BNC2: variants seen among roughly 807,000 people sequenced by gnomAD.
The protein encoded by BNC2 is basonuclin zinc finger protein 2.
A neutral mutation model predicts 76.3 loss-of-function variants in BNC2; 20 were observed. The observed-to-expected ratio is 0.26, with a 90% CI of 0.18 to 0.38. The LOEUF (loss-of-function observed/expected upper bound fraction) is 0.38, where lower values mean the gene tolerates loss of function less well. Ranked by LOEUF, BNC2 falls within the 10% of genes least tolerant of loss-of-function variation. The pLI, the probability that BNC2 is intolerant of heterozygous loss-of-function variation, is 1.00. For missense variants in BNC2, 1,382 were observed against 1,399.8 expected (o/e 0.99, Z 0.20); for synonymous variants, 582 against 514.8 (o/e 1.13, Z -1.77).
At chr9:16,560,513 A>AT in intron 4 of BNC2, among the ~76,000 whole-genome samples, 1 of 151,802 alleles carries the variant, frequency 6.6e-6, no homozygotes, top group Non-Finnish European at 1.5e-5. Flanking sequence ...GGAATTGGAG[A>AT]TCTGCCTGGA....
intron 1 of BNC2, among the ~76,000 whole-genome samples, chr9:16,840,431 C>A (rs1818798762): frequency 6.6e-6 from 1 of 152,202 alleles, no homozygotes; most frequent in Non-Finnish European, 1.5e-5. Context: ...CCCCCTTAAG[C>A]CACTAGCTGT....
intron 3 of BNC2, among the ~76,000 whole-genome samples, chr9:16,647,636 T>C (rs1305580592): frequency 6.6e-6 from 1 of 151,990 alleles, no homozygotes; most frequent in Non-Finnish European, 1.5e-5. Context: ...TTTTTGAGAA[T>C]GAGGGAGAGA....
chr9:16,851,646 T>C lies in BNC2; in HGVS notation c.3+19000A>G, dbSNP rs114680502. Among the ~76,000 whole-genome samples the C allele has an allele frequency of 3.4e-3, 512 of 152,370 alleles. 3 individuals are homozygous for C. Among genetic ancestry groups the C allele is most frequent in the African/African-American group, 0.012 (491 of 41,588 alleles). ...AAACTTTTCATAGCAATGAATTCTA[T>C]GGTATGCAAATTATTTCTCAATAAA... On this transcript the variant is annotated intron_variant, in intron 1 of 6. Transcript: ENST00000380672.
chr9:16,819,388 C>T (rs890240619), intron 1 of BNC2, among the ~76,000 whole-genome samples: 3 of 152,126 alleles, frequency 2.0e-5, no homozygotes, highest in Non-Finnish European at 2.9e-5. Context: ...CCAGGCTGGG[C>T]ACAATGGCTC....
At chr9:16,472,473 T>C (rs969688002) in intron 5 of BNC2, among the ~76,000 whole-genome samples, 1 of 152,212 alleles carries the variant, frequency 6.6e-6, no homozygotes, top group Admixed American at 6.5e-5. Flanking sequence ...ATATACCTAC[T>C]CTCCTCTACA....
intron 5 of BNC2, among the ~76,000 whole-genome samples, chr9:16,525,359 T>C (rs373510942): frequency 1.4e-3 from 212 of 152,114 alleles, no homozygotes; most frequent in African/African-American, 4.6e-3. Context: ...AATACAGATA[T>C]ACTATGGGCT....
intron 4 of BNC2, among the ~76,000 whole-genome samples, chr9:16,568,852 A>G (rs1819238109): frequency 1.3e-5 from 2 of 152,174 alleles, no homozygotes; most frequent in Admixed American, 6.6e-5. Flanking sequence ...AGATCTGCAC[A>G]TTTTATTCAC....
At chr9:16,868,882 ACACT>A (rs2136242708) in intron 1 of BNC2, among the ~76,000 whole-genome samples, 1 of 152,324 alleles carries the variant, frequency 6.6e-6, no homozygotes, top group East Asian at 1.9e-4. Flanking sequence ...CAGATCAGAC[ACACT>A]AAGTAACGTG....
chr9:16,638,115 T>C (rs145512868), intron 3 of BNC2, among the ~76,000 whole-genome samples: 10 of 152,336 alleles, frequency 6.6e-5, no homozygotes, highest in African/African-American at 2.4e-4. Flanking sequence ...GGTCTGGTAA[T>C]CAGTCTGGGA....
intron 5 of BNC2, among the ~76,000 whole-genome samples, chr9:16,452,404 A>C (rs1416012604): frequency 2.0e-5 from 3 of 152,156 alleles, no homozygotes; most frequent in Non-Finnish European, 4.4e-5. Context: ...TTAGACACAT[A>C]AATAATGAAC....
intron 1 of BNC2, among the ~76,000 whole-genome samples, chr9:16,817,667 T>C (rs1275902760): frequency 6.6e-6 from 1 of 152,164 alleles, no homozygotes; most frequent in Non-Finnish European, 1.5e-5. Context: ...GAGTATGGTT[T>C]AACGTGCCTT....
intron 3 of BNC2, among the ~76,000 whole-genome samples, chr9:16,610,225 T>C (rs571382317): frequency 1.3e-4 from 20 of 152,128 alleles, no homozygotes; most frequent in Non-Finnish European, 2.4e-4. Context: ...TGAAGGAGGA[T>C]TGCTGAATCC....
chr9:16,811,294 T>A (rs1173542814), intron 1 of BNC2, among the ~76,000 whole-genome samples: 1 of 148,870 alleles, frequency 6.7e-6, no homozygotes, highest in Non-Finnish European at 1.5e-5. Flanking sequence ...CTCACGCCTG[T>A]AATCCCAGAA....
chr9:16,527,003 A>T (rs1817825877), intron 5 of BNC2, among the ~76,000 whole-genome samples: 2 of 152,220 alleles, frequency 1.3e-5, no homozygotes, highest in Admixed American at 1.3e-4. Context: ...GGCTAGGTTG[A>T]GACCTAAATG....
At chr9:16,785,497 C>T (rs1826264098) in intron 1 of BNC2, among the ~76,000 whole-genome samples, 2 of 150,964 alleles carry the variant, frequency 1.3e-5, no homozygotes, top group Non-Finnish European at 2.9e-5. Context: ...CAGGTTCAAG[C>T]AATTCTCCTG....
intron 1 of BNC2, among the ~76,000 whole-genome samples, chr9:16,776,018 A>G (rs1316381735): frequency 3.3e-5 from 5 of 152,184 alleles, no homozygotes; most frequent in Admixed American, 3.3e-4. Context: ...CCAGAAGTGG[A>G]ACCCCGACCA....
At chr9:16,669,271 G>A (rs1822401606) in intron 3 of BNC2, among the ~76,000 whole-genome samples, 1 of 152,120 alleles carries the variant, frequency 6.6e-6, no homozygotes, top group Admixed American at 6.5e-5. Flanking sequence ...AGCCCACTAA[G>A]GGAGTAATTT....
In BNC2 at chr9:16,564,002, G is replaced by T. The variant is rs559452408; in HGVS notation, c.434-11237C>A. ...AATATTTTATTAATTTTCATTGTAG[G>T]CATGCATGTTGAGTGATAAAAGACT... On this transcript the variant is annotated intron_variant, in intron 4 of 6. Transcript: ENST00000380672. Among the ~76,000 whole-genome samples the T allele has an allele frequency of 1.3e-4, 20 of 150,058 alleles. No individual in the cohort carries two copies. In the East Asian group the frequency reaches 3.9e-3, roughly 29 times the overall value.
At chr9:16,782,961 G>C (rs956604997) in intron 1 of BNC2, among the ~76,000 whole-genome samples, 1 of 152,156 alleles carries the variant, frequency 6.6e-6, no homozygotes, top group East Asian at 1.9e-4. Context: ...TAAAGCAGGG[G>C]TGTTTCATAT....
Sources: allele counts gnomAD v4.1 joint callset (sites outside exome capture counted in the v4.1 genomes callset), GRCh38; gene constraint gnomAD v4.1.1; transcripts MANE v1.5; gene names NCBI Gene and HGNC (gene_info 2026-07-23, HGNC 2026-07-21).